The following JMJD1C variants were observed in gnomAD, a reference collection of about 807,000 sequenced individuals.
The protein encoded by JMJD1C is jumonji domain-containing protein 1C.
In JMJD1C, 31 loss-of-function variants were observed where a neutral mutation model predicts 245.3. The ratio of observed to expected loss-of-function variants is 0.13; its 90% CI spans 0.09 to 0.17. The LOEUF (loss-of-function observed/expected upper bound fraction) is 0.17, where lower values mean the gene tolerates loss of function less well. Ranked by LOEUF, JMJD1C falls within the 10% of genes least tolerant of loss-of-function variation. The probability of loss-of-function intolerance (pLI) is 1.00; values close to 1 mark genes in which losing one functional copy is unlikely to be tolerated. For synonymous variants in JMJD1C, 1,057 were observed against 1,017.4 expected, an observed-to-expected ratio of 1.04 and a Z score of -0.74; for missense variants, 2,691 against 3,000.2, an observed-to-expected ratio of 0.90 and a Z score of 2.41.
chr10:63,169,406 A>T (rs1381990403), intron 24 of JMJD1C, among the ~76,000 whole-genome samples: 2 of 152,210 alleles, frequency 1.3e-5, no homozygotes, highest in Non-Finnish European at 2.9e-5. Flanking sequence ...ATATTAAAAA[A>T]CATCATAAAA....
intron 2 of JMJD1C, among the ~76,000 whole-genome samples, chr10:63,292,163 T>TTTTTTTTTTTTTTTTTTG (rs1858853424): frequency 6.8e-6 from 1 of 147,800 alleles, no homozygotes. Flanking sequence ...TTTTTTTTTT[T>TTTTTTTTTTTTTTTTTTG]GCCTAGGCTG....
At position 63,207,975 on chromosome 10, in the gene JMJD1C, A is replaced by C. The variant is rs1846855738; in HGVS notation, c.3694T>G (p.Leu1232Val). The change falls in exon 10 of 26, where the codon TTA (leucine) becomes GTA (valine). Residue 1232 changes from leucine to valine, a missense_variant. By Grantham distance (32) the Leu-to-Val change is conservative. Transcript: ENST00000399262. ...GCATTTACTGGCATCACCGGAGTTA[A>C]AGTTGGAGGGGAAAGACTACTATAG... is the stretch of plus-strand genomic sequence containing the variant. ...GSYSSLSPPTLTPVMPVNAGG... is the reference protein window; with the variant it reads ...GSYSSLSPPTVTPVMPVNAGG... 6.2e-7 allele frequency: 1 copy of C among 1,614,142 alleles called. No individual in the cohort carries two copies. The highest frequency in any genetic ancestry group is 8.5e-7 in the Non-Finnish European group (1 of 1,180,008).
intron 2 of JMJD1C, among the ~76,000 whole-genome samples, chr10:63,311,607 G>A (rs928962851): frequency 4.6e-5 from 7 of 151,996 alleles, no homozygotes; most frequent in African/African-American, 1.4e-4. Context: ...ATACATAATC[G>A]AAATCATGAA....
chr10:63,263,477 T>C (rs149138143), intron 3 of JMJD1C, among the ~76,000 whole-genome samples: 2 of 152,294 alleles, frequency 1.3e-5, no homozygotes, highest in African/African-American at 2.4e-5. Flanking sequence ...TGAAAAACAG[T>C]AACAAGTCTG....
intron 2 of JMJD1C, among the ~76,000 whole-genome samples, chr10:63,359,875 G>A (rs1212692949): frequency 6.6e-6 from 1 of 151,936 alleles, no homozygotes; most frequent in Non-Finnish European, 1.5e-5. Flanking sequence ...AGATTCAAGA[G>A]AATTAAAAAG....
chr10:63,350,183 C>T (rs533101586), intron 2 of JMJD1C, among the ~76,000 whole-genome samples: 165 of 152,250 alleles, frequency 1.1e-3, no homozygotes, highest in African/African-American at 3.8e-3. Flanking sequence ...GAAAAGGTGA[C>T]CTGACTCATG....
intron 1 of JMJD1C, among the ~76,000 whole-genome samples, chr10:63,456,681 C>T (rs867320807): frequency 6.6e-6 from 1 of 152,092 alleles, no homozygotes; most frequent in Non-Finnish European, 1.5e-5. Flanking sequence ...GCTGACTATT[C>T]CTACTGCCAT....
Position 63,193,103 on chromosome 10 carries a change from G to C in JMJD1C, c.5911C>G (p.Pro1971Ala), listed in dbSNP as rs1219256331. 1.9e-6 allele frequency: 3 copies of C among 1,613,812 alleles called. No homozygotes were observed. In the African/African-American group the frequency reaches 4.0e-5, roughly 22 times the overall value. ...GGAGTATTTTGCTGCTGAGACTCAGGCATGCACAGAGAAATTTTATTACTG... is the reference window on the plus strand; with the variant it reads ...GGAGTATTTTGCTGCTGAGACTCAGCCATGCACAGAGAAATTTTATTACTG... ...NHSNKISLCM[P>A]ESQQQNTPPK... is the part of the protein sequence containing the mutation. The change falls in exon 16 of 26, where the codon CCT becomes GCT. Residue 1971 changes from proline to alanine, a missense_variant. Pro to Ala is a conservative substitution (Grantham distance 27, BLOSUM62 -1). This residue lies in a region of JMJD1C where 275 missense variants were observed against 285.5 expected (regional missense o/e 0.96). Coordinates refer to ENST00000399262, the MANE Select transcript of JMJD1C (RefSeq NM_032776.3).
chr10:63,438,890 T>C (rs2132905719), intron 1 of JMJD1C, among the ~76,000 whole-genome samples: 1 of 152,322 alleles, frequency 6.6e-6, no homozygotes, highest in South Asian at 2.1e-4. Context: ...TTTTCTTTCC[T>C]GGTACTTTAT....
intron 2 of JMJD1C, among the ~76,000 whole-genome samples, chr10:63,323,248 T>C (rs1941116538): frequency 6.6e-6 from 1 of 152,044 alleles, no homozygotes; most frequent in Non-Finnish European, 1.5e-5. Context: ...TGGTGCCGGG[T>C]ACAGTGGCTC....
chr10:63,465,504 C>G lies in JMJD1C; in HGVS notation c.159G>C (p.Pro53=). ...RAVSHRDSRN[P]DLAVYVEFDD... is the part of the protein sequence containing the mutation. ...GCGCTGACTCTCTTACCGCCAGGTCCGGATTGCGGCTGTCCCTGTGTGACA... is the reference window on the plus strand; with the variant it reads ...GCGCTGACTCTCTTACCGCCAGGTCGGGATTGCGGCTGTCCCTGTGTGACA... Residue 53 remains proline, a synonymous_variant, in exon 1 of 26, where the codon CCG becomes CCC. Coordinates refer to ENST00000399262, the MANE Select transcript of JMJD1C (RefSeq NM_032776.3). 1 of 1,603,226 alleles carries G rather than the reference C, an allele frequency of 6.2e-7. No homozygotes were observed. The highest frequency in any genetic ancestry group is 8.5e-7 in the Non-Finnish European group (1 of 1,177,262).
intron 1 of JMJD1C, among the ~76,000 whole-genome samples, chr10:63,508,154 T>C (rs1954777423): frequency 6.6e-6 from 1 of 152,254 alleles, no homozygotes; most frequent in African/African-American, 2.4e-5. Context: ...GATTGTAATC[T>C]GCCTGGTGTA....
intron 2 of JMJD1C, among the ~76,000 whole-genome samples, chr10:63,337,598 GAAAA>G (rs1564804534): frequency 1.6e-4 from 17 of 104,236 alleles, no homozygotes; most frequent in African/African-American, 8.9e-4. Flanking sequence ...GAAAAGAAAA[GAAAA>G]GAAAAGAAAA....
chr10:63,223,221 T>TG (rs1848821513), intron 3 of JMJD1C, among the ~76,000 whole-genome samples: 1 of 133,006 alleles, frequency 7.5e-6, no homozygotes, highest in South Asian at 2.4e-4. Flanking sequence ...AACTGTTTTT[T>TG]CTGTGCTGTT....
Position 63,380,331 on chromosome 10 carries a change from T to C in JMJD1C, c.320A>G (p.Gln107Arg), listed in dbSNP as rs758986376. The C allele has an allele frequency of 1.2e-6, 2 of 1,614,036 alleles. No homozygotes were observed. The highest frequency in any genetic ancestry group is 1.7e-6 in the Non-Finnish European group (2 of 1,179,922). The stretch of plus-strand genomic sequence containing the variant: ...AATAGATCTTACCAATGCAGGCCAC[T>C]GAATCTGTTTGCTCTTTGATCCCTG... ...QTQGSKSKQI[Q>R]WPALTFKPLV... The change falls in exon 2 of 26, where the codon CAG (glutamine) becomes CGG (arginine). Residue 107 changes from glutamine (Q) to arginine (R), a missense_variant. This residue lies in a region of JMJD1C where 172 missense variants were observed against 240.8 expected (regional missense o/e 0.71). Transcript: ENST00000399262.
chr10:63,404,711 T>G (rs984502670), intron 1 of JMJD1C, among the ~76,000 whole-genome samples: 1 of 152,178 alleles, frequency 6.6e-6, no homozygotes, highest in African/African-American at 2.4e-5. Flanking sequence ...GTAGCAGAGA[T>G]GTAAAACATC....
At chr10:63,170,036 G>GT (rs1299822048) in intron 24 of JMJD1C, among the ~76,000 whole-genome samples, 1 of 152,196 alleles carries the variant, frequency 6.6e-6, no homozygotes, top group Non-Finnish European at 1.5e-5. Flanking sequence ...CTTAAGGAGA[G>GT]TAAGTCTTTC....
At chr10:63,334,045 C>CT (rs1178839662) in intron 2 of JMJD1C, among the ~76,000 whole-genome samples, 2 of 152,106 alleles carry the variant, frequency 1.3e-5, no homozygotes, top group African/African-American at 4.8e-5. Context: ...CACTGCACTC[C>CT]TAAATAACCT....
At chr10:63,225,473 G>A (rs74138764) in intron 3 of JMJD1C, among the ~76,000 whole-genome samples, 2,948 of 152,148 alleles carry the variant, frequency 0.019, 97 homozygotes, top group African/African-American at 0.065. Context: ...ACACCTTAAT[G>A]TACTGATACA....
Sources: allele counts gnomAD v4.1 joint callset (sites outside exome capture counted in the v4.1 genomes callset), GRCh38; gene constraint gnomAD v4.1.1; regional missense constraint gnomAD v4.1.1; transcripts MANE v1.5; gene names NCBI Gene and HGNC (gene_info 2026-07-23, HGNC 2026-07-21).